CADM2: variants seen among roughly 807,000 people sequenced by gnomAD.
The protein encoded by CADM2 is immunoglobulin superfamily member 4D.
A neutral mutation model predicts 49.8 loss-of-function variants in CADM2; 12 were observed. The observed-to-expected ratio is 0.24, with a 90% CI of 0.15 to 0.39. CADM2 has a LOEUF of 0.39. CADM2 is among the 10% of genes least tolerant of loss of function. The pLI, the probability that CADM2 is intolerant of heterozygous loss-of-function variation, is 1.00. For missense variants in CADM2, 378 were observed against 492.3 expected (o/e 0.77, Z 2.20); for synonymous variants, 214 against 175.4 (o/e 1.22, Z -1.74).
chr3:85,454,617 A>C (rs1157866454), intron 1 of CADM2, among the ~76,000 whole-genome samples: 1 of 152,200 alleles, frequency 6.6e-6, no homozygotes, highest in Non-Finnish European at 1.5e-5. Context: ...CAAATTACCC[A>C]TTATGTCAAA....
At chr3:85,941,534 CAGTT>C (rs907814351) in intron 7 of CADM2, among the ~76,000 whole-genome samples, 3 of 151,986 alleles carry the variant, frequency 2.0e-5, no homozygotes, top group Non-Finnish European at 2.9e-5. Context: ...TCATGAACCT[CAGTT>C]GGGGTAAAAT....
At chr3:85,198,690 A>G (rs1266092021) in intron 1 of CADM2, among the ~76,000 whole-genome samples, 1 of 151,936 alleles carries the variant, frequency 6.6e-6, no homozygotes, top group Non-Finnish European at 1.5e-5. Flanking sequence ...GTGCATACAT[A>G]TATTTAGCTA....
intron 1 of CADM2, among the ~76,000 whole-genome samples, chr3:84,984,916 G>A (rs2032462463): frequency 6.6e-6 from 1 of 152,146 alleles, no homozygotes; most frequent in Admixed American, 6.5e-5. Context: ...TTGAAAACAA[G>A]CCATATTTGG....
chr3:84,991,257 T>C (rs912695039), intron 1 of CADM2, among the ~76,000 whole-genome samples: 17 of 147,636 alleles, frequency 1.2e-4, no homozygotes, highest in Admixed American at 1.3e-4. Flanking sequence ...GAAAATTCAT[T>C]GGAATTTTCC....
chr3:85,821,223 C>G (rs2073541572), intron 3 of CADM2, among the ~76,000 whole-genome samples: 1 of 152,094 alleles, frequency 6.6e-6, no homozygotes, highest in Non-Finnish European at 1.5e-5. Flanking sequence ...GATAGCAAGA[C>G]AAGAAAGCTT....
At chr3:85,805,536 T>C (rs1349861406) in intron 3 of CADM2, 1 of 152,150 alleles carries the variant, frequency 6.6e-6, no homozygotes, top group African/African-American at 2.4e-5. Flanking sequence ...CCAAGAGTGG[T>C]TCAATTTCTA....
chr3:85,358,108 A>G (rs2032024475), intron 1 of CADM2, among the ~76,000 whole-genome samples: 1 of 152,080 alleles, frequency 6.6e-6, no homozygotes, highest in Non-Finnish European at 1.5e-5. Flanking sequence ...CCAGCCTATG[A>G]ATTGTATAAT....
intron 1 of CADM2, among the ~76,000 whole-genome samples, chr3:85,574,725 T>A (rs950078441): frequency 6.6e-6 from 1 of 152,206 alleles, no homozygotes; most frequent in Non-Finnish European, 1.5e-5. Flanking sequence ...TACTGCATGA[T>A]ATGTTTCTTT....
At chr3:85,793,912 A>G (rs972769743) in intron 2 of CADM2, among the ~76,000 whole-genome samples, 59 of 152,200 alleles carry the variant, frequency 3.9e-4, no homozygotes, top group Non-Finnish European at 2.6e-4. Context: ...AATACTTTCA[A>G]AATCACAGAA....
At chr3:85,594,600 C>T (rs536286629) in intron 1 of CADM2, among the ~76,000 whole-genome samples, 2 of 151,924 alleles carry the variant, frequency 1.3e-5, no homozygotes, top group African/African-American at 4.8e-5. Flanking sequence ...AGAGAGAATA[C>T]ATTTGTATTG....
At chr3:85,658,592 A>G (rs913339518) in intron 1 of CADM2, among the ~76,000 whole-genome samples, 8 of 136,888 alleles carry the variant, frequency 5.8e-5, no homozygotes, top group African/African-American at 2.2e-4. Context: ...ATATATATAT[A>G]TATATATATA....
chr3:85,144,187 G>T (rs986006368), intron 1 of CADM2, among the ~76,000 whole-genome samples: 2 of 151,512 alleles, frequency 1.3e-5, no homozygotes, highest in African/African-American at 2.4e-5. Flanking sequence ...TACCTACCCT[G>T]CTTACCAGCT....
rs532370769 is a variant in CADM2 at position 86,066,898 on chromosome 3, G to T, written c.*115G>T. 107 of 720,034 alleles carry T rather than the reference G, an allele frequency of 1.5e-4. No homozygotes were observed. Among genetic ancestry groups the T allele is most frequent in the Admixed American group, 2.5e-4 (12 of 48,382 alleles). 44.6% of individuals were successfully genotyped at this position (720,034 alleles called of 1,614,324 possible). Reference sequence around the variant, plus strand: ...TGCTACCCTTATTAACTCCCATACTGTACTGCTATCAGTAGCCAGTGTATA... The same window carrying T: ...TGCTACCCTTATTAACTCCCATACTTTACTGCTATCAGTAGCCAGTGTATA... On this transcript the variant is annotated 3_prime_UTR_variant, in exon 10 of 10. Transcript: ENST00000383699.
intron 1 of CADM2, among the ~76,000 whole-genome samples, chr3:85,082,387 C>T (rs1453030169): frequency 6.6e-6 from 1 of 152,106 alleles, no homozygotes; most frequent in Non-Finnish European, 1.5e-5. Flanking sequence ...TACTACAATG[C>T]ACAGGGCATA....
At chr3:86,029,699 C>G (rs1054656327) in intron 8 of CADM2, among the ~76,000 whole-genome samples, 4 of 151,982 alleles carry the variant, frequency 2.6e-5, no homozygotes, top group African/African-American at 9.7e-5. Context: ...TTTCTGGCTC[C>G]TACATTACAA....
chr3:85,538,912 T>TAA (rs35789162), intron 1 of CADM2, among the ~76,000 whole-genome samples: 77,192 of 151,236 alleles, frequency 0.51, 22,708 homozygotes, highest in East Asian at 0.85. Context: ...GAGCTATATA[T>TAA]AACATTGTGT....
chr3:85,803,676 A>G (rs1054475373), intron 3 of CADM2, among the ~76,000 whole-genome samples: 1 of 152,104 alleles, frequency 6.6e-6, no homozygotes, highest in Non-Finnish European at 1.5e-5. Flanking sequence ...GTCAGGGAGA[A>G]TTTCTTCTTC....
intron 1 of CADM2, among the ~76,000 whole-genome samples, chr3:85,375,116 A>G (rs1486372579): frequency 6.6e-6 from 1 of 152,178 alleles, no homozygotes; most frequent in Admixed American, 6.5e-5. Context: ...TTTCCTATAC[A>G]CTACATAACT....
rs373268731 is a variant in CADM2, at chr3:86,014,262, G to T, written c.971-51343G>T. 20 of 1,318,884 alleles carry T rather than the reference G, an allele frequency of 1.5e-5. 1 individual carries two copies. The Admixed American group carries it at 2.2e-4, about 14-fold the overall frequency. 81.7% of individuals were successfully genotyped at this position (1,318,884 alleles called of 1,614,324 possible). The stretch of plus-strand genomic sequence containing the variant: ...ATTTATACTCTGCAGTGCAGTAACA[G>T]ATTTTGATTTCATTGTTACTATTGT... On this transcript the variant is annotated intron_variant, in intron 8 of 9. Coordinates refer to ENST00000383699, the MANE Select transcript of CADM2 (RefSeq NM_001167675.2).
Sources: allele counts gnomAD v4.1 joint callset (sites outside exome capture counted in the v4.1 genomes callset), GRCh38; gene constraint gnomAD v4.1.1; transcripts MANE v1.5; gene names NCBI Gene and HGNC (gene_info 2026-07-23, HGNC 2026-07-21).